MFNG: variants seen among roughly 807,000 people sequenced by gnomAD.
MFNG encodes the protein beta-1,3-N-acetylglucosaminyltransferase manic fringe.
In MFNG, 24 loss-of-function variants were observed where a neutral mutation model predicts 34.2. The observed-to-expected ratio is 0.70, with a 90% confidence interval of 0.51 to 0.99. The LOEUF is 0.99. Ranked by LOEUF, MFNG falls within the 50% of genes least tolerant of loss-of-function variation. The pLI, the probability that MFNG is intolerant of heterozygous loss-of-function variation, is 0.00. For missense variants in MFNG, 383 were observed against 424.0 expected (o/e 0.90, Z 0.85); for synonymous variants, 158 against 179.2 (o/e 0.88, Z 0.94).
chr22:37,479,653 G>A (rs1266192010), intron 3 of MFNG, among the ~76,000 whole-genome samples, 155 bp from the exon 4 acceptor site: 1 of 152,172 alleles, frequency 6.6e-6, no homozygotes, highest in East Asian at 1.9e-4. Context: ...TGCATATTGT[G>A]TAAGCTCATG....
chr22:37,479,529 GT>G (rs750844344), intron 3 of MFNG, 31 bp from the exon 4 acceptor site: 16 of 1,606,178 alleles, frequency 1.0e-5, no homozygotes, highest in Non-Finnish European at 1.4e-5. Flanking sequence ...CAGTGAACTT[GT>G]TGGGGGGGTT....
At chr22:37,473,324 G>A (rs977577167) in intron 6 of MFNG, among the ~76,000 whole-genome samples, 3 of 152,026 alleles carry the variant, frequency 2.0e-5, no homozygotes, top group African/African-American at 7.2e-5. Context: ...AGCTACTCAG[G>A]AGGCTGAGGC....
rs193134138 is a variant in MFNG at position 37,482,931 on chromosome 22, G to A, written c.256-2162C>T. On this transcript the variant is annotated intron_variant, in intron 1 of 7. Transcript: ENST00000356998. This position sits in a 1 kb window ranked among gnomAD's most constrained non-coding sequence, Gnocchi z 4.1. ...TCCGCTTCTCCATGAAGCCCACTCC[G>A]TCAGTGACGCCATGCAGCCTCTCAG... is the stretch of plus-strand genomic sequence containing the variant. 3.3e-4 allele frequency among the ~76,000 whole-genome samples: 51 copies of A among 152,272 alleles called. No individual in the cohort carries two copies. The highest frequency in any genetic ancestry group is 1.2e-3 in the East Asian group (6 of 5,174).
At position 37,480,670 on chromosome 22, in the gene MFNG, T is replaced by A. The variant is rs745778118; in HGVS notation, c.304+51A>T. 2.5e-6 allele frequency: 4 copies of A among 1,575,286 alleles called. No individual in the cohort carries two copies. The African/African-American group carries it at 5.4e-5, about 21-fold the overall frequency. ...GGCCAGGGCACAGCCGCCCCAGCTT[T>A]CCCAGGCAACAGCTAAAGTCCCCCA... On this transcript the variant is annotated intron_variant, in intron 2 of 7. Coordinates refer to ENST00000356998, the MANE Select transcript of MFNG (RefSeq NM_002405.4).
intron 5 of MFNG, among the ~76,000 whole-genome samples, chr22:37,476,553 G>A (rs773452017): frequency 3.3e-5 from 5 of 152,186 alleles, no homozygotes; most frequent in South Asian, 2.1e-4. Context: ...AGAAAAGGGC[G>A]GTAAATAGCA....
chr22:37,478,509 C>T (rs970355785), intron 4 of MFNG, among the ~76,000 whole-genome samples: 9 of 152,154 alleles, frequency 5.9e-5, no homozygotes, highest in Admixed American at 5.2e-4. Context: ...CCATCCAGGT[C>T]AGGAACTGAG....
Position 37,469,828 on chromosome 22 carries a change from TG to T in MFNG, c.*134del. Reference sequence around the variant, plus strand: ...TCAGTGCCAATTGCCACTCAGATCCTGGGCTTGCCAACCACCCGAAGGCCCT... The same window carrying T: ...TCAGTGCCAATTGCCACTCAGATCCTGGCTTGCCAACCACCCGAAGGCCCT... On this transcript the variant is annotated 3_prime_UTR_variant, in exon 8 of 8. Coordinates refer to ENST00000356998, the MANE Select transcript of MFNG (RefSeq NM_002405.4). 1.3e-6 allele frequency: 1 copy of T among 780,328 alleles called. No individual in the cohort carries two copies. Among genetic ancestry groups the T allele is most frequent in the Non-Finnish European group, 2.3e-6 (1 of 444,224 alleles). The allele number at this position is 780,328 out of a possible 1,614,324, so 48.3% of individuals were successfully genotyped here. A position where few individuals can be genotyped will look rare whatever the true frequency, so the allele number is the denominator to read the frequency against.
At chr22:37,475,870 C>G (rs1922014017) in intron 5 of MFNG, among the ~76,000 whole-genome samples, 1 of 152,244 alleles carries the variant, frequency 6.6e-6, no homozygotes, top group Non-Finnish European at 1.5e-5. Context: ...ACACACAGTT[C>G]TGTGGACATG....
At chr22:37,477,385 G>A (rs770870853) in intron 4 of MFNG, among the ~76,000 whole-genome samples, 1 of 152,204 alleles carries the variant, frequency 6.6e-6, no homozygotes, top group Non-Finnish European at 1.5e-5. Flanking sequence ...CGGGGCCTGA[G>A]TGTGCATAGG....
intron 7 of MFNG, among the ~76,000 whole-genome samples, chr22:37,472,106 G>C (rs959852759): frequency 6.6e-5 from 10 of 152,184 alleles, no homozygotes; most frequent in Non-Finnish European, 1.2e-4. Flanking sequence ...TCCACCATGA[G>C]AGCGTTGCCT....
intron 4 of MFNG, 65 bp downstream of exon 4, chr22:37,479,280 C>T: frequency 6.8e-7 from 1 of 1,479,402 alleles, no homozygotes; most frequent in Non-Finnish European, 8.9e-7. Flanking sequence ...CACCCCCACC[C>T]CCAGGACCGG....
chr22:37,479,033 G>C (rs1174506360), intron 4 of MFNG, among the ~76,000 whole-genome samples: 1 of 152,190 alleles, frequency 6.6e-6, no homozygotes, highest in Non-Finnish European at 1.5e-5. Flanking sequence ...GTGACTGGGA[G>C]CCCTGCTGTG....
rs1235840975 is a variant in MFNG at position 37,485,378 on chromosome 22, G to T, written c.255+545C>A. ...GGGGCAGCAGAGACACAGCGGCAGG[G>T]GCTATCGGGAAGGCCGAAGGGATGC... On this transcript the variant is annotated intron_variant, in intron 1 of 7. Transcript: ENST00000356998. The surrounding 1 kb of genome is among the most constrained non-coding windows in gnomAD (Gnocchi z 5.3). Among the ~76,000 whole-genome samples the T allele has an allele frequency of 6.6e-6, 1 of 152,198 alleles. No individual in the cohort carries two copies. The highest frequency in any genetic ancestry group is 1.5e-5 in the Non-Finnish European group (1 of 68,030).
intron 5 of MFNG, 145 bp from the exon 6 acceptor site, chr22:37,474,822 G>T: frequency 1.2e-6 from 1 of 810,478 alleles, no homozygotes. Flanking sequence ...GAGCAAGTCA[G>T]GAACCTTGGG....
In MFNG at chr22:37,485,187, A is replaced by ACACC. The variant is rs1416736291; in HGVS notation, c.255+735_255+736insGGTG. 6.6e-6 allele frequency among the ~76,000 whole-genome samples: 1 copy of ACACC among 151,818 alleles called. No individual in the cohort carries two copies. The highest frequency in any genetic ancestry group is 1.5e-5 in the Non-Finnish European group (1 of 67,912). On this transcript the variant is annotated intron_variant, in intron 1 of 7. Coordinates refer to ENST00000356998, the MANE Select transcript of MFNG (RefSeq NM_002405.4). The surrounding 1 kb of genome is among the most constrained non-coding windows in gnomAD (Gnocchi z 5.3). ...ACTCCAGCTCCGTGCGTGTGAGCAC[A>ACACC]CACACACACACACACACAATCCCAC...
intron 7 of MFNG, among the ~76,000 whole-genome samples, chr22:37,471,786 G>C (rs1238951862): frequency 7.8e-6 from 1 of 128,738 alleles, no homozygotes; most frequent in Non-Finnish European, 1.5e-5. Flanking sequence ...AGTCGAGATC[G>C]CACCACTGCA....
Position 37,479,399 on chromosome 22 carries a change from C to G in MFNG, c.507G>C (p.Arg169Ser), listed in dbSNP as rs1271868915. ...FPLARDVYVG[R>S]PSLNRPIHAS... is the part of the protein sequence containing the mutation. ...CATGGATGGGCCGGTTCAGGCTGGG[C>G]CTTCCCACATAGACGTCGCGGGCCA... The change falls in exon 4 of 8, where the codon AGG (arginine) becomes AGC (serine). Residue 169 changes from arginine (R) to serine (S), a missense_variant. Arg to Ser is a moderately radical substitution (Grantham distance 110). Coordinates refer to ENST00000356998, the MANE Select transcript of MFNG (RefSeq NM_002405.4). The G allele has an allele frequency of 1.4e-5, 22 of 1,608,406 alleles. No homozygotes were observed. Among genetic ancestry groups the G allele is most frequent in the Non-Finnish European group, 1.8e-5 (21 of 1,177,334 alleles).
Position 37,469,988 on chromosome 22 carries a change from C to G in MFNG, c.941G>C (p.Trp314Ser). The change falls in exon 8 of 8, where the codon TGG becomes TCG. Residue 314 changes from tryptophan (W) to serine (S), a missense_variant. Transcript: ENST00000356998. ...TCATCGGGCACCCAGCTGGGGACAC[C>G]AGGGTGTATCTGGATAGAGCAGACA... ...LHCLLYPDTP[W>S]CPQLGAR 1 of 1,609,318 alleles carries G rather than the reference C, an allele frequency of 6.2e-7. No homozygotes were observed. The highest frequency in any genetic ancestry group is 8.5e-7 in the Non-Finnish European group (1 of 1,177,626).
At chr22:37,484,839 T>A (rs1922467963) in intron 1 of MFNG, among the ~76,000 whole-genome samples, 1 of 152,086 alleles carries the variant, frequency 6.6e-6, no homozygotes, top group African/African-American at 2.4e-5. Context: ...CAGGGCAGGG[T>A]GCCCCTCCCC....
Sources: allele counts gnomAD v4.1 joint callset (sites outside exome capture counted in the v4.1 genomes callset), GRCh38; gene constraint gnomAD v4.1.1; non-coding constraint Gnocchi (gnomAD v3.1); transcripts MANE v1.5; gene names NCBI Gene and HGNC (gene_info 2026-07-23, HGNC 2026-07-21).